The following TFRC variants were observed in gnomAD, a reference collection of about 807,000 sequenced individuals.
The protein encoded by TFRC is transferrin receptor protein 1.
Under a neutral mutation model 85.8 loss-of-function variants are expected in TFRC, and 35 were observed. That is an observed-to-expected ratio of 0.41 (90% CI 0.31 to 0.54). The LOEUF is 0.54. TFRC is among the 20% of genes least tolerant of loss of function. The probability of loss-of-function intolerance (pLI) is 0.31; values close to 1 mark genes in which losing one functional copy is unlikely to be tolerated. For synonymous variants in TFRC, 362 were observed against 328.6 expected (o/e 1.10, Z -1.10); for missense variants, 828 against 921.5 (o/e 0.90, Z 1.31).
rs1400914784 is a variant in TFRC, at chr3:196,071,383, T to C, written c.687+13A>G. 2.1e-5 allele frequency: 34 copies of C among 1,606,824 alleles called. No individual in the cohort carries two copies. Among genetic ancestry groups the C allele is most frequent in the Non-Finnish European group, 2.8e-5 (33 of 1,173,480 alleles). ...ATAGGGAAGAGTCTCATGCACTGTT[T>C]TGCTTTACTTACAGTAACTGTTGCA... On this transcript the variant is annotated intron_variant, in intron 6 of 18. Transcript: ENST00000360110.
intron 4 of TFRC, among the ~76,000 whole-genome samples, chr3:196,072,442 C>T (rs907001831): frequency 3.3e-5 from 5 of 152,132 alleles, no homozygotes; most frequent in Admixed American, 1.3e-4. Flanking sequence ...GAGTAGCTTC[C>T]AGATCTACTA....
At chr3:196,075,092 A>T in intron 3 of TFRC, 67 bp downstream of exon 3, 1 of 1,114,340 alleles carries the variant, frequency 9.0e-7, no homozygotes, top group East Asian at 2.4e-5. Context: ...CTATATGCTG[A>T]GCTGACATAA....
chr3:196,055,992 C>T (rs973325119), intron 16 of TFRC, among the ~76,000 whole-genome samples: 6 of 148,784 alleles, frequency 4.0e-5, no homozygotes, highest in East Asian at 2.0e-4. Context: ...AGCCTTGAGA[C>T]GAGGCCTCTC....
intron 15 of TFRC, 56 bp from the exon 16 acceptor site, chr3:196,058,421 T>C (rs1577223252): frequency 6.5e-7 from 1 of 1,543,428 alleles, no homozygotes; most frequent in East Asian, 2.3e-5. Flanking sequence ...GACTGTTCTA[T>C]CGTGCTAGTC....
At chr3:196,058,482 T>A in intron 15 of TFRC, 92 bp downstream of exon 15, 1 of 1,486,916 alleles carries the variant, frequency 6.7e-7, no homozygotes, top group Non-Finnish European at 9.3e-7. Flanking sequence ...TGTAAGTAAG[T>A]TCAATGCAAG....
At chr3:196,060,590 A>G (rs1343445071) in intron 13 of TFRC, 2 of 196,914 alleles carry the variant, frequency 1.0e-5, no homozygotes, top group African/African-American at 4.7e-5. Flanking sequence ...CAAGGTCAGG[A>G]GATCGAGACC....
At chr3:196,067,487 T>G (rs1038329488) in intron 9 of TFRC, 31 bp downstream of exon 9, 1 of 1,600,532 alleles carries the variant, frequency 6.2e-7, no homozygotes, top group Non-Finnish European at 8.5e-7. Context: ...AAAACCTCAC[T>G]ATGCAAGACC....
Position 196,058,347 on chromosome 3 carries a change from G to A in TFRC, c.1614C>T (p.Asp538=). The change falls in exon 16 of 19, where the codon GAC becomes GAT. Residue 538 remains aspartate, a synonymous_variant. Coordinates refer to ENST00000360110, the MANE Select transcript of TFRC (RefSeq NM_001128148.3). ...WASKVEKLTL[D]NAAFPFLAYS... ...ATGCAAGGAAAGGGAAAGCAGCATTGTCTAAAGTGAGTTTCTCACTGCAAA... is the reference window on the plus strand; with the variant it reads ...ATGCAAGGAAAGGGAAAGCAGCATTATCTAAAGTGAGTTTCTCACTGCAAA... The A allele has an allele frequency of 6.2e-7, 1 of 1,613,940 alleles. No homozygotes were observed. The highest frequency in any genetic ancestry group is 8.5e-7 in the Non-Finnish European group (1 of 1,179,922).
chr3:196,064,357 C>A lies in TFRC; in HGVS notation c.1270G>T (p.Ala424Ser), dbSNP rs762469725. Reference sequence around the variant, plus strand: ...ATCTGGGCAAGTTTCAATAGGAGAGCTGTGCCTACACCGGATTTTGCAGCT... The same window carrying A: ...ATCTGGGCAAGTTTCAATAGGAGAGATGTGCCTACACCGGATTTTGCAGCT... ...PGAAKSGVGTALLLKLAQMFS... is the reference protein window; with the variant it reads ...PGAAKSGVGTSLLLKLAQMFS... The change falls in exon 11 of 19, where the codon GCT becomes TCT. Residue 424 changes from alanine (A) to serine (S), a missense_variant. By Grantham distance (99) the Ala-to-Ser change is moderately conservative. Coordinates refer to ENST00000360110, the MANE Select transcript of TFRC (RefSeq NM_001128148.3). 1.2e-6 allele frequency: 2 copies of A among 1,613,756 alleles called. No homozygotes were observed. Among genetic ancestry groups the A allele is most frequent in the African/African-American group, 2.7e-5 (2 of 74,886 alleles).
chr3:196,072,003 CT>C lies in TFRC; in HGVS notation c.583del (p.Ser195AlafsTer6), dbSNP rs1485886955. Reference protein sequence around the residue: ...QHFVKIQVKDSAQNSVIIVDK... With the variant: ...QHFVKIQVKDXAQNSVIIVDK... ...ATAAGTTTACCATCTTTCAACATAC[CT>C]GTCTTTGACCTGAATCTTAACAAAA... On this transcript the variant is annotated frameshift_variant and splice_region_variant, in exon 5 of 19. Coordinates refer to ENST00000360110, the MANE Select transcript of TFRC (RefSeq NM_001128148.3). LOFTEE classifies it high-confidence loss of function. The C allele has an allele frequency of 8.1e-6, 13 of 1,610,944 alleles. No individual in the cohort carries two copies. Among genetic ancestry groups the C allele is most frequent in the Non-Finnish European group, 1.1e-5 (13 of 1,178,732 alleles).
At chr3:196,069,610 G>T (rs1023364332) in intron 6 of TFRC, 42 bp from the exon 7 acceptor site, 1 of 1,239,696 alleles carries the variant, frequency 8.1e-7, no homozygotes, top group South Asian at 1.2e-5. Context: ...TATGGTATCG[G>T]AACAGCTCTA....
intron 13 of TFRC, chr3:196,060,713 G>C (rs1717203445): frequency 6.9e-6 from 1 of 144,478 alleles, no homozygotes; most frequent in African/African-American, 2.6e-5. Flanking sequence ...CAGGAGAATG[G>C]CATGAACCCG....
At chr3:196,058,711 T>A (rs1022922772) in intron 14 of TFRC, 79 bp from the exon 15 acceptor site, 4 of 903,762 alleles carry the variant, frequency 4.4e-6, no homozygotes, top group African/African-American at 1.7e-5. Context: ...TGTTACTCTA[T>A]AACAATTTTT....
At chr3:196,073,592 C>A (rs1202864996) in intron 4 of TFRC, among the ~76,000 whole-genome samples, 1 of 152,104 alleles carries the variant, frequency 6.6e-6, no homozygotes, top group Non-Finnish European at 1.5e-5. Context: ...TACTGATGTC[C>A]TTGTCAGCAA....
chr3:196,073,416 C>T (rs1057280678), intron 4 of TFRC, among the ~76,000 whole-genome samples: 6 of 151,922 alleles, frequency 3.9e-5, no homozygotes, highest in Non-Finnish European at 5.9e-5. Flanking sequence ...TTCCAGCCTC[C>T]ACCAGAGGGA....
chr3:196,076,473 G>T (rs1345296249), intron 2 of TFRC, among the ~76,000 whole-genome samples: 1 of 147,658 alleles, frequency 6.8e-6, no homozygotes, highest in African/African-American at 2.5e-5. Flanking sequence ...TTTTTGAGAC[G>T]GAGTCTCACT....
intron 6 of TFRC, among the ~76,000 whole-genome samples, chr3:196,070,481 G>A (rs1215439813): frequency 1.3e-5 from 2 of 152,008 alleles, no homozygotes; most frequent in African/African-American, 2.4e-5. Context: ...TGGTAGCTCT[G>A]ACCTTAGGTG....
At chr3:196,066,686 A>G (rs1046431950) in intron 9 of TFRC, among the ~76,000 whole-genome samples, 4 of 152,190 alleles carry the variant, frequency 2.6e-5, no homozygotes, top group East Asian at 1.9e-4. Context: ...ATCAATAGTC[A>G]TGGTATGTTA....
intron 2 of TFRC, 82 bp downstream of exon 2, chr3:196,076,982 T>C: frequency 7.7e-7 from 1 of 1,297,210 alleles, no homozygotes; most frequent in Non-Finnish European, 1.1e-6. Context: ...TTGGGGTTAT[T>C]ATTTCATGCT....
Sources: gnomAD v4.1 joint callset for allele counts (sites outside exome capture counted in the v4.1 genomes callset) on GRCh38, gnomAD v4.1.1 for gene constraint, MANE v1.5 for transcripts, NCBI Gene and HGNC (gene_info 2026-07-23, HGNC 2026-07-21) for gene names.